The following NAV2 variants were observed in gnomAD, a reference collection of about 807,000 sequenced individuals.
The protein encoded by NAV2 is neuron navigator 2.
NAV2 carries 54 observed loss-of-function variants against 223.2 expected under a neutral mutation model. The observed-to-expected ratio is 0.24, with a 90% CI of 0.19 to 0.30. The LOEUF (loss-of-function observed/expected upper bound fraction) is 0.30. Among genes scored for constraint, NAV2 ranks in the 10% least tolerant of loss-of-function variants. The probability of loss-of-function intolerance (pLI) is 1.00; values close to 1 mark genes in which losing one functional copy is unlikely to be tolerated. For missense variants in NAV2, 2,806 were observed against 3,147.5 expected (o/e 0.89, Z 2.60); for synonymous variants, 1,279 against 1,239.3 (o/e 1.03, Z -0.67).
intron 1 of NAV2, among the ~76,000 whole-genome samples, chr11:19,814,097 A>G (rs963540383): frequency 2.6e-5 from 4 of 152,164 alleles, no homozygotes; most frequent in Admixed American, 6.5e-5. Context: ...TAGAGCAGGT[A>G]GAGAAAGATC....
At chr11:19,665,341 G>A (rs146357207) in intron 1 of NAV2, among the ~76,000 whole-genome samples, 30 of 152,308 alleles carry the variant, frequency 2.0e-4, no homozygotes, top group African/African-American at 5.5e-4. Context: ...CTGTGGAGCC[G>A]ATGCTGTTTC....
intron 1 of NAV2, among the ~76,000 whole-genome samples, chr11:19,411,628 A>G (rs1054232091): frequency 3.3e-5 from 5 of 152,068 alleles, no homozygotes; most frequent in Admixed American, 2.0e-4. Context: ...TTTCCTTTCC[A>G]CCTGGGTGAG....
rs1420011793 is a variant in NAV2 at position 20,045,479 on chromosome 11, C to T, written c.3711C>T (p.Ala1237=). ...VPKLREPSKT[A]LGSSLPGLVN... is the part of the protein sequence containing the mutation. ...AACTGAGGGAGCCTTCCAAAACAGC[C>T]CTAGGCAGCTCTCTACCAGGTCTGG... Residue 1237 remains alanine, a synonymous_variant, in exon 14 of 38, where the codon GCC becomes GCT. Transcript: ENST00000349880. The T allele has an allele frequency of 5.0e-6, 8 of 1,614,130 alleles. No homozygotes were observed. Among genetic ancestry groups the T allele is most frequent in the South Asian group, 4.4e-5 (4 of 91,080 alleles).
intron 25 of NAV2, among the ~76,000 whole-genome samples, chr11:20,081,654 A>T (rs1420561397): frequency 6.6e-6 from 1 of 152,174 alleles, no homozygotes; most frequent in Non-Finnish European, 1.5e-5. Context: ...AATGGGAGAG[A>T]AAAGGGATCT....
intron 1 of NAV2, among the ~76,000 whole-genome samples, chr11:19,452,389 C>A (rs1851821064): frequency 6.6e-6 from 1 of 152,020 alleles, no homozygotes; most frequent in Admixed American, 6.6e-5. Context: ...AACAAATGAC[C>A]ATATTGACCA....
At chr11:19,406,168 G>A (rs1016080694) in intron 1 of NAV2, among the ~76,000 whole-genome samples, 3 of 152,166 alleles carry the variant, frequency 2.0e-5, no homozygotes, top group Non-Finnish European at 4.4e-5. Flanking sequence ...GTTACAGCTG[G>A]CGGGAAACTT....
chr11:19,597,837 T>C (rs1167731152), intron 1 of NAV2, among the ~76,000 whole-genome samples: 1 of 152,210 alleles, frequency 6.6e-6, no homozygotes, highest in East Asian at 1.9e-4. Context: ...CTGGGGTGCG[T>C]GTGTTTGTCT....
In NAV2 at chr11:19,870,274, G is replaced by A. The variant is rs539065853; in HGVS notation, c.511+1277G>A. The stretch of plus-strand genomic sequence containing the variant: ...GCTGGGGGGCGGGGGTTTGCTGGGA[G>A]TAGGAAGATGCAAATTCCCATTCAG... On this transcript the variant is annotated intron_variant, in intron 4 of 37. Coordinates refer to ENST00000349880, the MANE Select transcript of NAV2 (RefSeq NM_145117.5). Among the ~76,000 whole-genome samples the A allele has an allele frequency of 2.0e-5, 3 of 152,292 alleles. No homozygotes were observed. The East Asian group carries it at 5.8e-4, about 29-fold the overall frequency.
chr11:19,718,013 G>T (rs1202617732), intron 1 of NAV2, among the ~76,000 whole-genome samples: 1 of 151,890 alleles, frequency 6.6e-6, no homozygotes, highest in Non-Finnish European at 1.5e-5. Context: ...CCCTTACCTT[G>T]AGTCTCTCCC....
intron 1 of NAV2, among the ~76,000 whole-genome samples, chr11:19,452,954 A>G (rs1030558913): frequency 1.3e-5 from 2 of 152,244 alleles, no homozygotes; most frequent in Non-Finnish European, 2.9e-5. Flanking sequence ...AATCCACAAC[A>G]AACCTTTGCT....
At chr11:20,053,704 A>C (rs949380634) in intron 17 of NAV2, among the ~76,000 whole-genome samples, 5 of 152,224 alleles carry the variant, frequency 3.3e-5, no homozygotes, top group Non-Finnish European at 7.3e-5. Flanking sequence ...TTGTCTAATT[A>C]AAACTCCCTC....
chr11:19,554,019 C>T (rs2044781218), intron 1 of NAV2, among the ~76,000 whole-genome samples: 1 of 152,224 alleles, frequency 6.6e-6, no homozygotes, highest in Non-Finnish European at 1.5e-5. Flanking sequence ...GAGAAGGGGA[C>T]AGAGCATTTC....
intron 1 of NAV2, among the ~76,000 whole-genome samples, chr11:19,403,233 G>A (rs545037769): frequency 1.6e-4 from 25 of 152,308 alleles, no homozygotes; most frequent in South Asian, 1.0e-3. Flanking sequence ...AGTATCTACC[G>A]TGTGCCAGGC....
chr11:19,851,478 G>A (rs375471005), intron 3 of NAV2, among the ~76,000 whole-genome samples: 4 of 152,118 alleles, frequency 2.6e-5, no homozygotes, highest in South Asian at 2.1e-4. Flanking sequence ...TTCCACACAC[G>A]GGGTATGTGT....
intron 7 of NAV2, among the ~76,000 whole-genome samples, chr11:19,938,868 C>T (rs942202945): frequency 7.9e-5 from 12 of 152,216 alleles, no homozygotes; most frequent in African/African-American, 2.2e-4. Context: ...TCTGGGCAAA[C>T]GTTTTCTTCA....
At chr11:20,008,496 CAG>C (rs1248925886) in intron 11 of NAV2, among the ~76,000 whole-genome samples, 12 of 152,204 alleles carry the variant, frequency 7.9e-5, no homozygotes, top group Admixed American at 7.2e-4. Flanking sequence ...AACAGCCAAA[CAG>C]AGACTTCAGG....
chr11:19,782,666 C>T (rs1385673221), intron 1 of NAV2, among the ~76,000 whole-genome samples: 1 of 151,710 alleles, frequency 6.6e-6, no homozygotes, highest in Non-Finnish European at 1.5e-5. Context: ...GCCCAGAGAT[C>T]TGGGCTGGGT....
chr11:20,008,794 G>A (rs916257933), intron 11 of NAV2, among the ~76,000 whole-genome samples: 1 of 150,866 alleles, frequency 6.6e-6, no homozygotes, highest in East Asian at 1.9e-4. Flanking sequence ...AGAGTGGTGT[G>A]TGTGCTTGCA....
At chr11:19,726,569 A>G (rs2051275721) in intron 1 of NAV2, among the ~76,000 whole-genome samples, 1 of 152,228 alleles carries the variant, frequency 6.6e-6, no homozygotes, top group African/African-American at 2.4e-5. Context: ...TTTAGAACTG[A>G]CTGTGAGCTG....
Sources: allele counts gnomAD v4.1 joint callset (sites outside exome capture counted in the v4.1 genomes callset), GRCh38; gene constraint gnomAD v4.1.1; transcripts MANE v1.5; gene names NCBI Gene and HGNC (gene_info 2026-07-23, HGNC 2026-07-21).